Variants in OR52N4 observed in about 807,000 individuals in gnomAD.
The protein encoded by OR52N4 is olfactory receptor family 52 subfamily N member 4.
Under a neutral mutation model 15.0 loss-of-function variants are expected in OR52N4, and 15 were observed. The ratio of observed to expected loss-of-function variants is 1.00; its 90% CI spans 0.67 to 1.54. The LOEUF is 1.54. Among genes scored for constraint, OR52N4 ranks in the 40% most tolerant of loss-of-function variants. The pLI, the probability that OR52N4 is intolerant of heterozygous loss-of-function variation, is 0.00. For synonymous variants in OR52N4, 143 were observed against 143.7 expected (o/e 1.00, Z 0.03); for missense variants, 421 against 394.0 (o/e 1.07, Z -0.58).
chr11:5,755,258 G>A lies in OR52N4; in HGVS notation c.518G>A (p.Gly173Asp). ...FLTKLLPYCR[G>D]NILPHTYCDH... ...ACCAAGCTCCTGCCCTACTGCAGAG[G>A]CAATATACTTCCCCATACCTACTGT... The change falls in exon 2 of 2, where the codon GGC (glycine) becomes GAC (aspartate). Residue 173 changes from glycine (G) to aspartate (D), a missense_variant. By Grantham distance (94) the Gly-to-Asp change is moderately conservative (BLOSUM62 -1). Transcript: ENST00000641350. The A allele has an allele frequency of 6.2e-7, 1 of 1,613,980 alleles. No homozygotes were observed. Among genetic ancestry groups the A allele is most frequent in the East Asian group, 2.2e-5 (1 of 44,852 alleles).
At chr11:5,737,297 T>C in the OR52N4 span, 3 of 1,614,174 alleles carry the variant, frequency 1.9e-6, no homozygotes, top group South Asian at 2.2e-5. Context: ...CCTTTTCTTT[T>C]ACACTATTGT....
chr11:5,747,006 C>T, the OR52N4 span, among the ~76,000 whole-genome samples: 40 of 133,650 alleles, frequency 3.0e-4, no homozygotes, highest in African/African-American at 9.4e-4. Context: ...CCAAGATGGG[C>T]GGATCACTTG....
the OR52N4 span, among the ~76,000 whole-genome samples, chr11:5,728,439 GTTACTGTACA>G: frequency 6.6e-6 from 1 of 152,196 alleles, no homozygotes; most frequent in Non-Finnish European, 1.5e-5. Context: ...TTGGAAACCA[GTTACTGTACA>G]TACTGAGCTT....
chr11:5,741,003 G>T, the OR52N4 span, among the ~76,000 whole-genome samples: 3 of 126,642 alleles, frequency 2.4e-5, 1 homozygote, highest in Non-Finnish European at 5.2e-5. Flanking sequence ...GATGTATTTT[G>T]CAAACTAGCT....
chr11:5,737,567 TA>T, the OR52N4 span: 1 of 1,319,988 alleles, frequency 7.6e-7, no homozygotes, highest in Non-Finnish European at 1.0e-6. Flanking sequence ...GATAAATGAG[TA>T]AGTGAATACC....
chr11:5,732,852 T>C, the OR52N4 span, among the ~76,000 whole-genome samples: 1 of 152,224 alleles, frequency 6.6e-6, no homozygotes, highest in African/African-American at 2.4e-5. Flanking sequence ...GCACCTCATA[T>C]TGGTCATGAC....
At chr11:5,740,635 C>T in the OR52N4 span, among the ~76,000 whole-genome samples, 23 of 124,316 alleles carry the variant, frequency 1.9e-4, 5 homozygotes, top group Non-Finnish European at 3.5e-4. Flanking sequence ...AGGGAAACCC[C>T]GTCTCTACAA....
the OR52N4 span, among the ~76,000 whole-genome samples, chr11:5,747,944 C>T: frequency 6.6e-6 from 1 of 151,766 alleles, no homozygotes; most frequent in Non-Finnish European, 1.5e-5. Context: ...AAATGGGGAC[C>T]CTAATACATA....
Position 5,754,952 on chromosome 11 carries a change from C to G in OR52N4, c.212C>G (p.Thr71Ser). Reference sequence around the variant, plus strand: ...TACTTCTTGGCCATGCTTTCCTTTACTGACCTTGTTATGTGCTCTAGTACA... The same window carrying G: ...TACTTCTTGGCCATGCTTTCCTTTAGTGACCTTGTTATGTGCTCTAGTACA... ...MYYFLAMLSF[T>S]DLVMCSSTIP... The change falls in exon 2 of 2, where the codon ACT becomes AGT. Residue 71 changes from threonine to serine, a missense_variant. Physicochemically the swap from Thr to Ser is moderately conservative, Grantham distance 58. Coordinates refer to ENST00000641350, the MANE Select transcript of OR52N4 (RefSeq NM_001005175.5). 3.7e-6 allele frequency: 6 copies of G among 1,613,828 alleles called. No homozygotes were observed. The highest frequency in any genetic ancestry group is 5.1e-6 in the Non-Finnish European group (6 of 1,179,826).
At chr11:5,737,481 T>G in the OR52N4 span, 1 of 1,609,564 alleles carries the variant, frequency 6.2e-7, no homozygotes, top group Middle Eastern at 1.7e-4. Flanking sequence ...ACAAAAGAAA[T>G]AAGATCTTAG....
chr11:5,754,525 AT>A (rs201146054), intron 1 of OR52N4, among the ~76,000 whole-genome samples, 167 bp from the exon 2 acceptor site: 7 of 146,240 alleles, frequency 4.8e-5, no homozygotes, highest in African/African-American at 1.7e-4. Context: ...TACTGAATCA[AT>A]TAATTAATCA....
rs1732233985 is a variant in OR52N4 at position 5,755,535 on chromosome 11, CTT to C, written c.797_798del (p.Phe266TrpfsTer48). On this transcript the variant is annotated frameshift_variant, in exon 2 of 2. Transcript: ENST00000641350. LOFTEE classifies it high-confidence loss of function. Reference sequence around the variant, plus strand: ...CTTTCTTCTCCTTCTTTTCCCACCGCTTTGGGGAACACATAATCCCCCCTTCT... The same window carrying C: ...CTTTCTTCTCCTTCTTTTCCCACCGCTGGGGAACACATAATCCCCCCTTCT... ...PAFFSFFSHR[F>X]GEHIIPPSCH... 1 of 1,613,886 alleles carries C rather than the reference CTT, an allele frequency of 6.2e-7. No homozygotes were observed. Among genetic ancestry groups the C allele is most frequent in the Non-Finnish European group, 8.5e-7 (1 of 1,179,830 alleles).
At chr11:5,738,625 C>T in the OR52N4 span, 3 of 152,028 alleles carry the variant, frequency 2.0e-5, no homozygotes, top group Non-Finnish European at 4.4e-5. Flanking sequence ...TACTCATCCA[C>T]TACTACTACC....
At position 5,755,548 on chromosome 11, in the gene OR52N4, A is replaced by ATAATCCCCCCTTCTTG. The variant is rs774297232; in HGVS notation, c.809_824dup (p.His276AsnfsTer44). 35 of 1,613,782 alleles carry ATAATCCCCCCTTCTTG rather than the reference A, an allele frequency of 2.2e-5. No homozygotes were observed. The South Asian group carries it at 3.2e-4, about 15-fold the overall frequency. On this transcript the variant is annotated frameshift_variant, in exon 2 of 2. Coordinates refer to ENST00000641350, the MANE Select transcript of OR52N4 (RefSeq NM_001005175.5). LOFTEE classifies it high-confidence loss of function. Reference sequence around the variant, plus strand: ...CTTTTCCCACCGCTTTGGGGAACACATAATCCCCCCTTCTTGCCACATCAT... The same window carrying ATAATCCCCCCTTCTTG: ...CTTTTCCCACCGCTTTGGGGAACACATAATCCCCCCTTCTTGTAATCCCCCCTTCTTGCCACATCAT...
the OR52N4 span, among the ~76,000 whole-genome samples, chr11:5,742,593 A>G: frequency 6.6e-6 from 1 of 152,168 alleles, no homozygotes; most frequent in East Asian, 1.9e-4. Flanking sequence ...CAAAAGTACT[A>G]CCAGCTAAAA....
the OR52N4 span, among the ~76,000 whole-genome samples, chr11:5,742,686 A>G: frequency 1.3e-5 from 2 of 152,184 alleles, no homozygotes; most frequent in African/African-American, 4.8e-5. Context: ...ATAAGCAAAC[A>G]CTAAGGAAAT....
At chr11:5,734,381 C>A in the OR52N4 span, 17 of 294,788 alleles carry the variant, frequency 5.8e-5, no homozygotes, top group Non-Finnish European at 1.0e-4. Context: ...GATTAGAGGG[C>A]CTTTCCAAAA....
intron 1 of OR52N4, among the ~76,000 whole-genome samples, 187 bp from the exon 2 acceptor site, chr11:5,754,506 A>T (rs1028599053): frequency 6.6e-6 from 1 of 151,768 alleles, no homozygotes; most frequent in Non-Finnish European, 1.5e-5. Flanking sequence ...CTGCTCAATA[A>T]GAATTTTTTA....
At chr11:5,730,188 C>CA in the OR52N4 span, among the ~76,000 whole-genome samples, 2 of 137,880 alleles carry the variant, frequency 1.5e-5, no homozygotes, top group Non-Finnish European at 3.1e-5. Context: ...CAGCAGTAAC[C>CA]ATTTTTTTTT....
Sources: allele counts gnomAD v4.1 joint callset (sites outside exome capture counted in the v4.1 genomes callset), GRCh38; gene constraint gnomAD v4.1.1; transcripts MANE v1.5; gene names NCBI Gene and HGNC (gene_info 2026-07-23, HGNC 2026-07-21).